Variants in XIRP2 observed in about 807,000 individuals in gnomAD.
The protein encoded by XIRP2 is xin actin-binding repeat-containing protein 2.
A neutral mutation model predicts 277.0 loss-of-function variants in XIRP2; 236 were observed. That is an observed-to-expected ratio of 0.85 (90% CI 0.77 to 0.95). The LOEUF (loss-of-function observed/expected upper bound fraction) is 0.95, where lower values mean the gene tolerates loss of function less well. Among genes scored for constraint, XIRP2 ranks in the 40% least tolerant of loss-of-function variants. XIRP2 has a pLI of 0.00. For missense variants in XIRP2, 4,640 were observed against 4,157.5 expected (o/e 1.12, Z -3.19); for synonymous variants, 1,490 against 1,416.5 (o/e 1.05, Z -1.17).
At chr2:166,903,376 C>T (rs1241560333) in intron 1 of XIRP2, 89 bp from the exon 2 acceptor site, 7 of 1,355,994 alleles carry the variant, frequency 5.2e-6, no homozygotes, top group Non-Finnish European at 7.0e-6. Context: ...ACCCAAACCC[C>T]AAGAGCTGGT....
intron 10 of XIRP2, among the ~76,000 whole-genome samples, chr2:167,257,104 G>T (rs1695676146): frequency 6.6e-6 from 1 of 151,796 alleles, no homozygotes; most frequent in African/African-American, 2.4e-5. Flanking sequence ...AATATTAGTT[G>T]GTTATTTTGT....
At chr2:167,022,571 G>A (rs890827752) in intron 2 of XIRP2, among the ~76,000 whole-genome samples, 7 of 151,986 alleles carry the variant, frequency 4.6e-5, no homozygotes, top group South Asian at 4.2e-4. Context: ...TTAGCATTAG[G>A]TATATCTCCT....
rs74551603 is a variant in XIRP2, at chr2:167,100,249, G to A, written c.409-35660G>A. On this transcript the variant is annotated intron_variant, in intron 2 of 10. Coordinates refer to ENST00000409195, the MANE Select transcript of XIRP2 (RefSeq NM_152381.6). ...ACATATAATTTATGAAGTACTGTGT[G>A]TAGACTTCTGGTTATGTCTAGAATG... Among the ~76,000 whole-genome samples the A allele has an allele frequency of 1.2e-3, 183 of 152,206 alleles. 2 individuals carry two copies. In the East Asian group the frequency reaches 0.025, roughly 21 times the overall value.
intron 2 of XIRP2, among the ~76,000 whole-genome samples, chr2:167,093,440 T>C (rs1351074285): frequency 4.6e-5 from 7 of 152,066 alleles, no homozygotes; most frequent in Non-Finnish European, 8.8e-5. Context: ...CTACATTAGG[T>C]ATTTCTCCTA....
At chr2:166,891,421 A>T (rs1234683359) in intron 1 of XIRP2, among the ~76,000 whole-genome samples, 1 of 152,178 alleles carries the variant, frequency 6.6e-6, no homozygotes. Context: ...TTTGGCAGAA[A>T]AATTAATTGT....
chr2:167,242,427 G>C, intron 8 of XIRP2, 142 bp from the exon 9 acceptor site: 4 of 760,540 alleles, frequency 5.3e-6, no homozygotes, highest in Non-Finnish European at 8.3e-6. Flanking sequence ...TCCTAAGTTG[G>C]TCTTTAAATG....
chr2:166,917,021 T>C (rs1197498287), intron 2 of XIRP2, among the ~76,000 whole-genome samples: 1 of 152,202 alleles, frequency 6.6e-6, no homozygotes, highest in African/African-American at 2.4e-5. Flanking sequence ...TTCGTTCCTC[T>C]GTTATCTCTG....
At chr2:167,113,933 AT>A (rs920458039) in intron 2 of XIRP2, among the ~76,000 whole-genome samples, 1 of 151,932 alleles carries the variant, frequency 6.6e-6, no homozygotes, top group African/African-American at 2.4e-5. Context: ...CTTGATTGGA[AT>A]TTTTTTTCTT....
intron 5 of XIRP2, among the ~76,000 whole-genome samples, chr2:167,237,642 G>A (rs113366067): frequency 4.6e-5 from 7 of 152,168 alleles, no homozygotes; most frequent in African/African-American, 1.4e-4. Context: ...TCACTGTGTG[G>A]GCCAAATAAA....
intron 4 of XIRP2, among the ~76,000 whole-genome samples, chr2:167,214,226 G>GAGGAAGGAAGGAAGGAAGGAAGGA (rs1295438859): frequency 7.4e-5 from 5 of 67,332 alleles, no homozygotes; most frequent in African/African-American, 2.0e-4. Context: ...GGGAGGGAGG[G>GAGGAAGGAAGGAAGGAAGGAAGGA]AGGAAGGAAG....
chr2:167,106,559 C>T (rs922234577), intron 2 of XIRP2, among the ~76,000 whole-genome samples: 6 of 151,566 alleles, frequency 4.0e-5, no homozygotes, highest in Non-Finnish European at 7.4e-5. Context: ...TGCTAATTCC[C>T]CTGCAGTCTT....
rs116295315 is a variant in XIRP2 at position 166,952,969 on chromosome 2, G to A, written c.408+49079G>A. Among the ~76,000 whole-genome samples, 468 of 152,002 alleles carry A rather than the reference G, an allele frequency of 3.1e-3. 1 individual carries two copies. The highest frequency in any genetic ancestry group is 5.2e-3 in the Non-Finnish European group (353 of 67,946). ...AAAATTCAATTTAAAAATTGCTTAG[G>A]CATTTCATATACAAAATTATTATTG... On this transcript the variant is annotated intron_variant, in intron 2 of 10. Transcript: ENST00000409195.
intron 2 of XIRP2, among the ~76,000 whole-genome samples, chr2:167,096,039 A>G (rs1690306012): frequency 6.6e-6 from 1 of 150,572 alleles, no homozygotes; most frequent in African/African-American, 2.4e-5. Flanking sequence ...ACACCCAGCT[A>G]ATTTTTTGTA....
At chr2:166,902,183 A>G (rs1028807859) in intron 1 of XIRP2, among the ~76,000 whole-genome samples, 36 of 152,140 alleles carry the variant, frequency 2.4e-4, no homozygotes, top group African/African-American at 8.7e-4. Flanking sequence ...TTAGTACATC[A>G]TTACATCAAT....
chr2:167,037,917 A>T (rs981022407), intron 2 of XIRP2, among the ~76,000 whole-genome samples: 12 of 152,028 alleles, frequency 7.9e-5, no homozygotes, highest in Middle Eastern at 3.4e-3. Context: ...TTAATAATAA[A>T]TTTTTTATAT....
At chr2:167,136,696 C>T (rs1296144811) in intron 3 of XIRP2, among the ~76,000 whole-genome samples, 1 of 152,154 alleles carries the variant, frequency 6.6e-6, no homozygotes, top group Non-Finnish European at 1.5e-5. Flanking sequence ...AAATACAGAT[C>T]TTATTTATCA....
intron 2 of XIRP2, among the ~76,000 whole-genome samples, chr2:166,940,866 G>T (rs1298886979): frequency 1.3e-5 from 2 of 152,202 alleles, no homozygotes; most frequent in Non-Finnish European, 2.9e-5. Flanking sequence ...ACTTGGGGGT[G>T]CCTCCCTGTT....
rs573983789 is a variant in XIRP2, at chr2:167,221,415, G to A, written c.858+3115G>A. Among the ~76,000 whole-genome samples, 6 of 143,776 alleles carry A rather than the reference G, an allele frequency of 4.2e-5. No individual in the cohort carries two copies. The East Asian group carries it at 1.2e-3, about 30-fold the overall frequency. The allele number at this position is 143,776 out of a possible 152,430, so 94.3% of individuals were successfully genotyped here. A position where few individuals can be genotyped will look rare whatever the true frequency, so the allele number is the denominator to read the frequency against. On this transcript the variant is annotated intron_variant, in intron 5 of 10. Transcript: ENST00000409195. ...GTGAAGATTGCGGTGAGCCGAGATG[G>A]TGCCATTGCACTCCAGCCTGGGCAA...
chr2:166,912,609 G>A (rs140639843), intron 2 of XIRP2, among the ~76,000 whole-genome samples: 11,650 of 152,166 alleles, frequency 0.077, 1,019 homozygotes, highest in East Asian at 0.49. Flanking sequence ...CTCTCAACTC[G>A]TCAAATTCAT....
Sources: gnomAD v4.1 joint callset for allele counts (sites outside exome capture counted in the v4.1 genomes callset) on GRCh38, gnomAD v4.1.1 for gene constraint, MANE v1.5 for transcripts, NCBI Gene and HGNC (gene_info 2026-07-23, HGNC 2026-07-21) for gene names.